PTPRK: variants seen among roughly 807,000 people sequenced by gnomAD.
PTPRK encodes protein tyrosine phosphatase receptor type K.
PTPRK carries 75 observed loss-of-function variants against 178.0 expected under a neutral mutation model. The ratio of observed to expected loss-of-function variants is 0.42; its 90% CI spans 0.35 to 0.51. The LOEUF is 0.51. Among genes scored for constraint, PTPRK ranks in the 20% least tolerant of loss-of-function variants. PTPRK has a pLI of 0.02. For synonymous variants in PTPRK, 637 were observed against 620.6 expected (o/e 1.03, Z -0.39); for missense variants, 1,441 against 1,797.8 (o/e 0.80, Z 3.59).
chr6:128,098,086 C>A (rs575148696), intron 7 of PTPRK, among the ~76,000 whole-genome samples: 2 of 151,978 alleles, frequency 1.3e-5, no homozygotes, highest in Non-Finnish European at 2.9e-5. Context: ...ATTTTGCATG[C>A]CAAGTACAGT....
At chr6:128,087,506 A>C (rs1306510374) in intron 8 of PTPRK, among the ~76,000 whole-genome samples, 1 of 152,136 alleles carries the variant, frequency 6.6e-6, no homozygotes, top group Non-Finnish European at 1.5e-5. Context: ...TGTGCCTATG[A>C]AACAATTACC....
intron 1 of PTPRK, among the ~76,000 whole-genome samples, chr6:128,402,320 C>T (rs534654192): frequency 1.3e-5 from 2 of 152,124 alleles, no homozygotes; most frequent in South Asian, 2.1e-4. Flanking sequence ...TGCAGTGGCG[C>T]GATCTCGGCT....
At chr6:128,345,998 T>C (rs1290575899) in intron 2 of PTPRK, among the ~76,000 whole-genome samples, 2 of 152,198 alleles carry the variant, frequency 1.3e-5, no homozygotes, top group African/African-American at 4.8e-5. Context: ...AAAAGGTATA[T>C]ATTTCAGGCT....
At chr6:128,213,802 G>A (rs1016397836) in intron 6 of PTPRK, among the ~76,000 whole-genome samples, 1 of 151,912 alleles carries the variant, frequency 6.6e-6, no homozygotes, top group African/African-American at 2.4e-5. Flanking sequence ...TAGAGTACCG[G>A]AATAGAATAC....
chr6:128,354,425 C>T (rs1441119048), intron 2 of PTPRK, among the ~76,000 whole-genome samples: 6 of 151,300 alleles, frequency 4.0e-5, no homozygotes, highest in Non-Finnish European at 5.9e-5. Flanking sequence ...TTAGTAGAGA[C>T]GGGGTTTCAC....
rs1224750308 is a variant in PTPRK at position 128,083,727 on chromosome 6, GA to G, written c.1562del (p.Ile521ThrfsTer11). Reference sequence around the variant, plus strand: ...GTTCTCCCAATACCTCATATTGAGTGATGATTCCATTTGGATCCAAAGGTTC... The same window carrying G: ...GTTCTCCCAATACCTCATATTGAGTGTGATTCCATTTGGATCCAAAGGTTC... The part of the protein sequence containing the change: ...WKEPLDPNGI[I>X]TQYEISYSSI... On this transcript the variant is annotated frameshift_variant, in exon 9 of 30. Coordinates refer to ENST00000368226, the MANE Select transcript of PTPRK (RefSeq NM_002844.4). LOFTEE classifies it high-confidence loss of function. 1 of 1,589,364 alleles carries G rather than the reference GA, an allele frequency of 6.3e-7. No homozygotes were observed. The highest frequency in any genetic ancestry group is 1.7e-5 in the Admixed American group (1 of 59,022).
At chr6:128,474,177 A>AAAACAAACAAACAAAC (rs10645749) in intron 1 of PTPRK, among the ~76,000 whole-genome samples, 7 of 151,190 alleles carry the variant, frequency 4.6e-5, no homozygotes, top group African/African-American at 1.5e-4. Context: ...ATGGTAGGGG[A>AAAACAAACAAACAAAC]AAACAAACAA....
At chr6:128,272,018 ATC>A (rs1421419444) in intron 3 of PTPRK, among the ~76,000 whole-genome samples, 2 of 152,080 alleles carry the variant, frequency 1.3e-5, no homozygotes, top group African/African-American at 2.4e-5. Flanking sequence ...TAACAGATTT[ATC>A]CACATATGCA....
chr6:128,145,182 T>C (rs982980016), intron 7 of PTPRK, among the ~76,000 whole-genome samples: 1 of 152,080 alleles, frequency 6.6e-6, no homozygotes, highest in Non-Finnish European at 1.5e-5. Context: ...TCAAGAAAGC[T>C]AGAGGTGAAT....
chr6:128,399,062 C>A (rs1314662758), intron 1 of PTPRK, among the ~76,000 whole-genome samples: 1 of 152,010 alleles, frequency 6.6e-6, no homozygotes, highest in Non-Finnish European at 1.5e-5. Context: ...ATGAGAAAAA[C>A]CAATAACCTG....
intron 1 of PTPRK, among the ~76,000 whole-genome samples, chr6:128,454,008 A>C (rs759153683): frequency 1.3e-5 from 2 of 152,172 alleles, no homozygotes; most frequent in Non-Finnish European, 2.9e-5. Context: ...ACACAATAAC[A>C]TATGGATATA....
At chr6:127,972,011 G>T (rs983730962) in intron 29 of PTPRK, among the ~76,000 whole-genome samples, 6 of 152,070 alleles carry the variant, frequency 3.9e-5, no homozygotes, top group African/African-American at 1.4e-4. Context: ...GTAGACAGCT[G>T]CAACAACCCA....
In PTPRK at chr6:127,983,243, T is replaced by G; in HGVS notation, c.3386A>C (p.Glu1129Ala). 2 of 1,605,396 alleles carry G rather than the reference T, an allele frequency of 1.2e-6. No homozygotes were observed. Among genetic ancestry groups the G allele is most frequent in the African/African-American group, 1.3e-5 (1 of 74,386 alleles). Residue 1129 changes from glutamate (E) to alanine (A), a missense_variant and splice_region_variant, in exon 23 of 30, where the codon GAG becomes GCG. Around this residue, in one of 4 missense-constraint regions of PTPRK, gnomAD observed 335 missense variants for 512.4 expected, o/e 0.65. Transcript: ENST00000368226. ...RSRRINMVQT[E>A]EQYIFIHDAI... ...TCCACTACAGGTAAATCTACATACC[T>G]CTGTCTGGACCATATTAATACGCCG...
chr6:128,514,019 A>T (rs1315091021), intron 1 of PTPRK, among the ~76,000 whole-genome samples: 1 of 152,200 alleles, frequency 6.6e-6, no homozygotes, highest in Admixed American at 6.5e-5. Flanking sequence ...ACACGGATTA[A>T]GGGAATTTCT....
At chr6:128,269,584 T>G (rs1306306397) in intron 3 of PTPRK, among the ~76,000 whole-genome samples, 1 of 151,754 alleles carries the variant, frequency 6.6e-6, no homozygotes. Flanking sequence ...AGTTAAAGTG[T>G]ATAAAGAAAA....
chr6:128,110,517 C>T lies in PTPRK; in HGVS notation c.1163-20525G>A, dbSNP rs371710125. Among the ~76,000 whole-genome samples, 7 of 152,088 alleles carry T rather than the reference C, an allele frequency of 4.6e-5. No individual in the cohort carries two copies. The South Asian group carries it at 1.2e-3, about 27-fold the overall frequency. Reference sequence around the variant, plus strand: ...CAAAAGGCTCCATATCTTTTGGTACCAGTCACCCCATAGAGCTAGGACTAC... The same window carrying T: ...CAAAAGGCTCCATATCTTTTGGTACTAGTCACCCCATAGAGCTAGGACTAC... On this transcript the variant is annotated intron_variant, in intron 7 of 29. Transcript: ENST00000368226.
At chr6:128,465,854 C>T (rs1386795076) in intron 1 of PTPRK, among the ~76,000 whole-genome samples, 1 of 152,152 alleles carries the variant, frequency 6.6e-6, no homozygotes, top group East Asian at 1.9e-4. Flanking sequence ...CACTAACCCA[C>T]CCCAGGAAGG....
At chr6:128,319,835 T>C in intron 3 of PTPRK, among the ~76,000 whole-genome samples, 1 of 152,178 alleles carries the variant, frequency 6.6e-6, no homozygotes, top group South Asian at 2.1e-4. Flanking sequence ...ATCACAAATG[T>C]ACAGGTACAA....
chr6:128,395,852 C>T (rs1840229359), intron 2 of PTPRK, among the ~76,000 whole-genome samples: 1 of 152,096 alleles, frequency 6.6e-6, no homozygotes, highest in Non-Finnish European at 1.5e-5. Flanking sequence ...CCTACTCAAT[C>T]ACGGAGAGTG....
Sources: gnomAD v4.1 joint callset for allele counts (sites outside exome capture counted in the v4.1 genomes callset) on GRCh38, gnomAD v4.1.1 for gene constraint, gnomAD v4.1.1 regional missense constraint, MANE v1.5 for transcripts, NCBI Gene and HGNC (gene_info 2026-07-23, HGNC 2026-07-21) for gene names.